Variants in ZNF146 observed in about 807,000 individuals in gnomAD.
The protein encoded by ZNF146 is zinc finger protein 146.
In ZNF146, 9 loss-of-function variants were observed where a neutral mutation model predicts 22.2. The ratio of observed to expected loss-of-function variants is 0.41; its 90% CI spans 0.24 to 0.71. The LOEUF (loss-of-function observed/expected upper bound fraction) is 0.71. Among genes scored for constraint, ZNF146 ranks in the 30% least tolerant of loss-of-function variants. The pLI is 0.34. For synonymous variants in ZNF146, 108 were observed against 119.2 expected, an observed-to-expected ratio of 0.91 and a Z score of 0.61; for missense variants, 194 against 344.8, an observed-to-expected ratio of 0.56 and a Z score of 3.46.
In ZNF146 at chr19:36,237,241, T is replaced by G. The variant is rs1270752907; in HGVS notation, c.801T>G (p.Pro267=). ...LHLRIHTGKK[P]YQCSECGKAF... is the part of the protein sequence containing the mutation. ...TGAGAATACACACAGGTAAGAAGCC[T>G]TATCAGTGCAGTGAATGTGGGAAAG... The change falls in exon 4 of 4, where the codon CCT becomes CCG. Residue 267 remains proline, a synonymous_variant. Coordinates refer to ENST00000443387, the MANE Select transcript of ZNF146 (RefSeq NM_007145.3). The G allele has an allele frequency of 6.2e-7, 1 of 1,613,858 alleles. No homozygotes were observed. Among genetic ancestry groups the G allele is most frequent in the Non-Finnish European group, 8.5e-7 (1 of 1,179,958 alleles).
chr19:36,233,057 T>C (rs1977457861), intron 3 of ZNF146, among the ~76,000 whole-genome samples: 1 of 152,194 alleles, frequency 6.6e-6, no homozygotes, highest in African/African-American at 2.4e-5. Context: ...ATGTTTTACT[T>C]CTAAAAAATT....
At chr19:36,224,254 A>G (rs1271034047) in intron 2 of ZNF146, among the ~76,000 whole-genome samples, 6 of 152,184 alleles carry the variant, frequency 3.9e-5, no homozygotes, top group Non-Finnish European at 4.4e-5. Context: ...GTGGTGGCAC[A>G]TGCCTGAATC....
intron 2 of ZNF146, among the ~76,000 whole-genome samples, chr19:36,226,366 T>G (rs552022898): frequency 6.6e-6 from 1 of 152,306 alleles, no homozygotes; most frequent in East Asian, 1.9e-4. Context: ...AGGAATTGGG[T>G]GATCAAGCTT....
intron 2 of ZNF146, among the ~76,000 whole-genome samples, chr19:36,223,026 C>T (rs555330334): frequency 3.9e-5 from 6 of 152,156 alleles, no homozygotes; most frequent in African/African-American, 1.4e-4. Flanking sequence ...GTTGCACAGG[C>T]TGGCCTTGAA....
chr19:36,229,413 C>T (rs1175394872), intron 3 of ZNF146, among the ~76,000 whole-genome samples: 1 of 152,272 alleles, frequency 6.6e-6, no homozygotes, highest in East Asian at 1.9e-4. Flanking sequence ...GGCACAATTA[C>T]AGCTCACTGT....
intron 3 of ZNF146, among the ~76,000 whole-genome samples, chr19:36,234,080 G>A (rs552564545): frequency 6.6e-6 from 1 of 152,280 alleles, no homozygotes; most frequent in Admixed American, 6.5e-5. Flanking sequence ...AGGGAGTGGT[G>A]ATGACTCTTA....
At chr19:36,225,154 T>TAAATA (rs1236186522) in intron 2 of ZNF146, among the ~76,000 whole-genome samples, 1 of 152,180 alleles carries the variant, frequency 6.6e-6, no homozygotes. Context: ...TATGATTATA[T>TAAATA]AAATATAGAT....
intron 2 of ZNF146, among the ~76,000 whole-genome samples, chr19:36,223,585 G>T (rs946083842): frequency 6.6e-6 from 1 of 151,830 alleles, no homozygotes; most frequent in Non-Finnish European, 1.5e-5. Context: ...GGATGGTCTC[G>T]ATCTCCTGAC....
rs930739387 is a variant in ZNF146, at chr19:36,215,196, G to A, written c.-929G>A. 6.6e-6 allele frequency: 1 copy of A among 152,306 alleles called. No individual in the cohort carries two copies. The highest frequency in any genetic ancestry group is 2.4e-5 in the African/African-American group (1 of 41,430). The allele number at this position is 152,306 out of a possible 1,614,324, so 9.4% of individuals were successfully genotyped here. A position where few individuals can be genotyped will look rare whatever the true frequency, so the allele number is the denominator to read the frequency against. On this transcript the variant is annotated splice_region_variant and 5_prime_UTR_variant, in exon 1 of 4. Transcript: ENST00000443387. ...GGGTCCACGTGGCGCGAAAGTAGGA[G>A]GTGGGATCTGGGCGTCTCGGGTCGG...
rs1168262336 is a variant in ZNF146, at chr19:36,233,417, GA to G, written c.-782-2238del. Among the ~76,000 whole-genome samples the G allele has an allele frequency of 1.6e-4, 24 of 152,246 alleles. No individual in the cohort carries two copies. The Middle Eastern group carries it at 0.014, about 86-fold the overall frequency. On this transcript the variant is annotated intron_variant, in intron 3 of 3. Coordinates refer to ENST00000443387, the MANE Select transcript of ZNF146 (RefSeq NM_007145.3). ...CTCGTCAGGTGGAAGGACTGACTTG[GA>G]AAAGAAAGAGACACAGAAACAAAGT... is the stretch of plus-strand genomic sequence containing the variant.
chr19:36,218,622 C>T (rs1007214740), intron 2 of ZNF146, among the ~76,000 whole-genome samples: 3 of 151,662 alleles, frequency 2.0e-5, no homozygotes, highest in South Asian at 2.1e-4. Context: ...CCAGCCACCA[C>T]GCCTGGCTAA....
chr19:36,231,373 C>G (rs906837655), intron 3 of ZNF146, among the ~76,000 whole-genome samples: 3 of 152,040 alleles, frequency 2.0e-5, no homozygotes, highest in African/African-American at 7.2e-5. Flanking sequence ...CCACACCCGG[C>G]TAATTTTTGT....
At chr19:36,227,987 T>G (rs1289968180) in intron 2 of ZNF146, among the ~76,000 whole-genome samples, 1 of 151,838 alleles carries the variant, frequency 6.6e-6, no homozygotes, top group Non-Finnish European at 1.5e-5. Context: ...ATGGTGAAAC[T>G]CTGTCTCTAC....
Position 36,236,189 on chromosome 19 carries a change from A to G in ZNF146, c.-252A>G, listed in dbSNP as rs1212782590. ...GAGAAGCAGAAAATTCATGCTGGAGAGAAACTAGTGAAGGTAGCAATACTT... is the reference window on the plus strand; with the variant it reads ...GAGAAGCAGAAAATTCATGCTGGAGGGAAACTAGTGAAGGTAGCAATACTT... On this transcript the variant is annotated 5_prime_UTR_variant, in exon 4 of 4. Transcript: ENST00000443387. The G allele has an allele frequency of 1.2e-5, 5 of 404,648 alleles. No homozygotes were observed. The Admixed American group carries it at 1.2e-4, about 10-fold the overall frequency. 25.1% of individuals were successfully genotyped at this position (404,648 alleles called of 1,614,324 possible). A position where few individuals can be genotyped will look rare whatever the true frequency, so the allele number is the denominator to read the frequency against.
At chr19:36,232,362 T>C (rs1977419639) in intron 3 of ZNF146, among the ~76,000 whole-genome samples, 1 of 152,200 alleles carries the variant, frequency 6.6e-6, no homozygotes, top group Non-Finnish European at 1.5e-5. Context: ...TTGTTACTTC[T>C]GCCTTTTTTC....
chr19:36,215,583 G>A (rs181179813), intron 1 of ZNF146, among the ~76,000 whole-genome samples: 22 of 152,186 alleles, frequency 1.4e-4, no homozygotes, highest in South Asian at 4.1e-4. Flanking sequence ...GAAAAGCTAA[G>A]TGGTGAATAA....
At chr19:36,217,080 T>TTTTTA (rs1491187199) in intron 1 of ZNF146, among the ~76,000 whole-genome samples, 1 of 125,118 alleles carries the variant, frequency 8.0e-6, no homozygotes, top group Non-Finnish European at 1.7e-5. Flanking sequence ...TTTTTTTTTT[T>TTTTTA]GAGATGGAGT....
chr19:36,222,570 CA>C (rs576553391), intron 2 of ZNF146, among the ~76,000 whole-genome samples: 184 of 152,242 alleles, frequency 1.2e-3, no homozygotes, highest in African/African-American at 4.3e-3. Flanking sequence ...TCGCTAGGGA[CA>C]TAAGAGACAA....
At position 36,236,469 on chromosome 19, in the gene ZNF146, A is replaced by G. The variant is rs768746464; in HGVS notation, c.29A>G (p.Tyr10Cys). 3.7e-5 allele frequency: 59 copies of G among 1,609,990 alleles called. No homozygotes were observed. Among genetic ancestry groups the G allele is most frequent in the Non-Finnish European group, 5.0e-5 (59 of 1,177,906 alleles). Residue 10 changes from tyrosine to cysteine, a missense_variant, in exon 4 of 4, where the codon TAC becomes TGC. By Grantham distance (194) the Tyr-to-Cys change is radical. Transcript: ENST00000443387. MSHLSQQRI[Y>C]SGENPFACKV... Reference sequence around the variant, plus strand: ...TCACACCTCAGCCAGCAGAGAATTTACAGTGGGGAAAACCCCTTTGCCTGT... The same window carrying G: ...TCACACCTCAGCCAGCAGAGAATTTGCAGTGGGGAAAACCCCTTTGCCTGT...
Sources: allele counts gnomAD v4.1 joint callset (sites outside exome capture counted in the v4.1 genomes callset), GRCh38; gene constraint gnomAD v4.1.1; transcripts MANE v1.5; gene names NCBI Gene and HGNC (gene_info 2026-07-23, HGNC 2026-07-21).